Variants in WLS observed in about 807,000 individuals in gnomAD.
The protein encoded by WLS is Wnt ligand secretion mediator.
In WLS, 23 loss-of-function variants were observed where a neutral mutation model predicts 62.8. The observed-to-expected ratio is 0.37, with a 90% CI of 0.26 to 0.52. WLS has a LOEUF of 0.52. Ranked by LOEUF, WLS falls within the 20% of genes least tolerant of loss-of-function variation. The pLI is 0.92. For synonymous variants in WLS, 246 were observed against 244.1 expected (o/e 1.01, Z -0.07); for missense variants, 615 against 697.3 (o/e 0.88, Z 1.33).
intron 1 of WLS, among the ~76,000 whole-genome samples, chr1:68,222,732 C>T (rs1039721740): frequency 2.0e-5 from 3 of 152,046 alleles, no homozygotes; most frequent in African/African-American, 2.4e-5. Flanking sequence ...TTCATCCTTA[C>T]GATTTAATAC....
intron 1 of WLS, among the ~76,000 whole-genome samples, chr1:68,211,124 G>A (rs139475334): frequency 4.4e-4 from 67 of 152,186 alleles, no homozygotes; most frequent in African/African-American, 1.6e-3. Context: ...TTGTTTCATT[G>A]CTCTTTATTT....
intron 1 of WLS, chr1:68,231,692 G>A (rs1310240992): frequency 2.2e-6 from 1 of 456,638 alleles, no homozygotes; most frequent in Non-Finnish European, 4.4e-6. Context: ...ACGACCAAAT[G>A]CATTTACAAC....
intron 11 of WLS, among the ~76,000 whole-genome samples, chr1:68,132,403 G>A (rs2100404456): frequency 6.6e-6 from 1 of 152,272 alleles, no homozygotes; most frequent in South Asian, 2.1e-4. Flanking sequence ...ATCATCTAAT[G>A]TACAATCAGG....
At chr1:68,137,363 C>G (rs749528566) in intron 11 of WLS, among the ~76,000 whole-genome samples, 3 of 152,090 alleles carry the variant, frequency 2.0e-5, no homozygotes, top group Non-Finnish European at 2.9e-5. Context: ...AAAAATGAAG[C>G]CTATTCCATC....
chr1:68,125,447 T>C lies in WLS; in HGVS notation c.*779A>G. On this transcript the variant is annotated 3_prime_UTR_variant, in exon 12 of 12. Coordinates refer to ENST00000262348, the MANE Select transcript of WLS (RefSeq NM_024911.7). Reference sequence around the variant, plus strand: ...TGATTGGATCTACACTTTTGGAGGCTATTTGAAGTATCTTATCAAAATAAA... The same window carrying C: ...TGATTGGATCTACACTTTTGGAGGCCATTTGAAGTATCTTATCAAAATAAA... 2 of 985,454 alleles carry C rather than the reference T, an allele frequency of 2.0e-6. No homozygotes were observed. The highest frequency in any genetic ancestry group is 1.1e-4 in the East Asian group (1 of 8,816). The allele number at this position is 985,454 out of a possible 1,614,324, so 61.0% of individuals were successfully genotyped here.
intron 1 of WLS, among the ~76,000 whole-genome samples, chr1:68,208,166 T>C (rs897285916): frequency 6.6e-6 from 1 of 152,248 alleles, no homozygotes; most frequent in South Asian, 2.1e-4. Context: ...AACACAGAAT[T>C]AACCCTTGGT....
At position 68,193,115 on chromosome 1, in the gene WLS, A is replaced by AAAAAG. The variant is rs373149289; in HGVS notation, c.379+835_379+839dup. ...CAAGAGCGAAACTCTGTTTCAAAAA[A>AAAAAG]AAAAGAAAAGAAAAGAAAAGAAAAA... On this transcript the variant is annotated intron_variant, in intron 2 of 11. Transcript: ENST00000262348. 6.1e-4 allele frequency among the ~76,000 whole-genome samples: 93 copies of AAAAAG among 151,994 alleles called. 1 individual carries two copies. Among genetic ancestry groups the AAAAAG allele is most frequent in the African/African-American group, 2.0e-3 (83 of 41,480 alleles).
At chr1:68,211,990 C>G (rs1293540963) in intron 1 of WLS, among the ~76,000 whole-genome samples, 1 of 152,186 alleles carries the variant, frequency 6.6e-6, no homozygotes, top group African/African-American at 2.4e-5. Context: ...AATACCTCCC[C>G]CATTCTGATT....
chr1:68,125,925 A>G lies in WLS; in HGVS notation c.*301T>C, dbSNP rs1231633830. 1.9e-6 allele frequency: 2 copies of G among 1,063,442 alleles called. No homozygotes were observed. Among genetic ancestry groups the G allele is most frequent in the African/African-American group, 1.7e-5 (1 of 57,784 alleles). 65.9% of individuals were successfully genotyped at this position (1,063,442 alleles called of 1,614,324 possible). A position where few individuals can be genotyped will look rare whatever the true frequency, so the allele number is the denominator to read the frequency against. On this transcript the variant is annotated 3_prime_UTR_variant, in exon 12 of 12. Transcript: ENST00000262348. ...GAATACACCCCCACCCCACCCCCAC[A>G]TGAGGTTTACTAACCAGCTGCTACA...
At chr1:68,143,778 TC>T (rs1425328423) in intron 10 of WLS, among the ~76,000 whole-genome samples, 14 of 152,230 alleles carry the variant, frequency 9.2e-5, no homozygotes, top group Non-Finnish European at 2.1e-4. Flanking sequence ...AAATATTACT[TC>T]CTGTAGTCAT....
At chr1:68,146,271 G>A (rs1194112443) in intron 8 of WLS, among the ~76,000 whole-genome samples, 1 of 152,168 alleles carries the variant, frequency 6.6e-6, no homozygotes, top group African/African-American at 2.4e-5. Context: ...TGTTAGAAAT[G>A]AAGAATCTAG....
intron 2 of WLS, among the ~76,000 whole-genome samples, chr1:68,190,238 C>T (rs1190894363): frequency 6.6e-6 from 1 of 152,160 alleles, no homozygotes; most frequent in East Asian, 1.9e-4. Context: ...TCTTAAAAAA[C>T]TTTCTATCTT....
At chr1:68,184,696 C>A (rs1355026710) in intron 2 of WLS, among the ~76,000 whole-genome samples, 1 of 152,182 alleles carries the variant, frequency 6.6e-6, no homozygotes, top group Non-Finnish European at 1.5e-5. Flanking sequence ...CTGACAAATT[C>A]ATTAATTCTG....
intron 1 of WLS, among the ~76,000 whole-genome samples, chr1:68,197,925 CCTTA>C (rs1384056313): frequency 4.5e-4 from 68 of 152,214 alleles, no homozygotes; most frequent in African/African-American, 1.4e-3. Flanking sequence ...GTAATGAAGG[CCTTA>C]CTTAGTCACT....
At chr1:68,221,389 G>C (rs532348994) in intron 1 of WLS, among the ~76,000 whole-genome samples, 1 of 152,288 alleles carries the variant, frequency 6.6e-6, no homozygotes, top group African/African-American at 2.4e-5. Context: ...CCAATGTGCA[G>C]TCTTTTCAAA....
chr1:68,131,950 T>C (rs930637660), intron 11 of WLS, among the ~76,000 whole-genome samples: 13 of 152,224 alleles, frequency 8.5e-5, no homozygotes, highest in African/African-American at 3.1e-4. Flanking sequence ...GAAACCCACG[T>C]TGGTGATACC....
chr1:68,156,263 C>T (rs977576687), intron 3 of WLS, among the ~76,000 whole-genome samples: 3 of 152,140 alleles, frequency 2.0e-5, no homozygotes, highest in Admixed American at 2.0e-4. Context: ...TCCTTGGCAC[C>T]TCCTGATCAA....
At chr1:68,098,756 G>A in intron 11 of WLS, 1 of 1,612,752 alleles carries the variant, frequency 6.2e-7, no homozygotes, top group Non-Finnish European at 8.5e-7. Flanking sequence ...TTGCATTCCT[G>A]GAAAATTCAG....
In WLS at chr1:68,148,592, G is replaced by C; in HGVS notation, c.1041C>G (p.Phe347Leu). The C allele has an allele frequency of 6.2e-7, 1 of 1,614,128 alleles. No homozygotes were observed. The highest frequency in any genetic ancestry group is 2.2e-5 in the East Asian group (1 of 44,888). ...KQVGPIAVGS[F>L]CLFIFDMCER... Reference sequence around the variant, plus strand: ...CACACATGTCAAATATGAAGAGGCAGAAGGAGCCAACGGCAATGGGTCCGA... The same window carrying C: ...CACACATGTCAAATATGAAGAGGCACAAGGAGCCAACGGCAATGGGTCCGA... The change falls in exon 7 of 12, where the codon TTC becomes TTG. Residue 347 changes from phenylalanine (F) to leucine (L), a missense_variant. Coordinates refer to ENST00000262348, the MANE Select transcript of WLS (RefSeq NM_024911.7).
Sources: gnomAD v4.1 joint callset for allele counts (sites outside exome capture counted in the v4.1 genomes callset) on GRCh38, gnomAD v4.1.1 for gene constraint, MANE v1.5 for transcripts, NCBI Gene and HGNC (gene_info 2026-07-23, HGNC 2026-07-21) for gene names.